Variants in PEAK1 observed in about 807,000 individuals in gnomAD.
PEAK1 encodes pseudopodium enriched atypical kinase 1.
A neutral mutation model predicts 124.7 loss-of-function variants in PEAK1; 54 were observed. The observed-to-expected ratio is 0.43, with a 90% CI of 0.35 to 0.54. The LOEUF is 0.54. Among genes scored for constraint, PEAK1 ranks in the 20% least tolerant of loss-of-function variants. The pLI, the probability that PEAK1 is intolerant of heterozygous loss-of-function variation, is 0.01. For synonymous variants in PEAK1, 719 were observed against 760.0 expected (o/e 0.95, Z 0.89); for missense variants, 2,046 against 2,134.5 (o/e 0.96, Z 0.82).
chr15:77,231,654 G>GA (rs1377766347), intron 6 of PEAK1, among the ~76,000 whole-genome samples: 1 of 151,990 alleles, frequency 6.6e-6, no homozygotes, highest in Non-Finnish European at 1.5e-5. Flanking sequence ...CTTCAAATTT[G>GA]AAAAATAAAT....
At chr15:77,178,529 T>A in intron 7 of PEAK1, 1 of 469,054 alleles carries the variant, frequency 2.1e-6, no homozygotes, top group East Asian at 3.1e-5. Context: ...GATTTGCTTT[T>A]CTATGCTAAA....
intron 6 of PEAK1, among the ~76,000 whole-genome samples, chr15:77,207,330 G>T (rs1236121767): frequency 2.6e-5 from 4 of 152,132 alleles, no homozygotes. Context: ...TGTACAAATT[G>T]AGATATCTGT....
intron 1 of PEAK1, among the ~76,000 whole-genome samples, chr15:77,386,736 T>C (rs959525817): frequency 6.6e-6 from 1 of 152,188 alleles, no homozygotes; most frequent in East Asian, 1.9e-4. Flanking sequence ...TTTCCCCATG[T>C]CCCACAGTTG....
At chr15:77,130,594 T>C (rs887694524) in intron 9 of PEAK1, among the ~76,000 whole-genome samples, 7 of 152,216 alleles carry the variant, frequency 4.6e-5, no homozygotes, top group African/African-American at 1.2e-4. Context: ...TTTGCTAAGA[T>C]ACCATCTGGT....
At chr15:77,212,585 ACAGAATTTGATAAAGTTTT>A (rs1447653531) in intron 6 of PEAK1, among the ~76,000 whole-genome samples, 3 of 152,228 alleles carry the variant, frequency 2.0e-5, no homozygotes, top group Non-Finnish European at 4.4e-5. Flanking sequence ...GAGACTCATA[ACAGAATTTGATAAAGTTTT>A]ATTCAATCAA....
rs145439140 is a variant in PEAK1 at position 77,350,070 on chromosome 15, T to C, written c.-603+15093A>G. 5.1e-6 allele frequency: 5 copies of C among 985,418 alleles called. No individual in the cohort carries two copies. In the African/African-American group the frequency reaches 5.2e-5, roughly 10 times the overall value. The allele number at this position is 985,418 out of a possible 1,614,324, so 61.0% of individuals were successfully genotyped here. On this transcript the variant is annotated intron_variant, in intron 2 of 9. Transcript: ENST00000682557. ...CTCAGCCACCATGATAGTTTTCAGATCATTTGTGCAAACATAATAAGAGCA... is the reference window on the plus strand; with the variant it reads ...CTCAGCCACCATGATAGTTTTCAGACCATTTGTGCAAACATAATAAGAGCA...
intron 2 of PEAK1, among the ~76,000 whole-genome samples, chr15:77,332,858 T>A (rs930654196): frequency 9.9e-5 from 15 of 152,062 alleles, no homozygotes; most frequent in African/African-American, 3.6e-4. Context: ...TCATTTTTTT[T>A]AATGGTACCT....
chr15:77,247,494 T>C (rs112989892), intron 6 of PEAK1, among the ~76,000 whole-genome samples: 1 of 134,080 alleles, frequency 7.5e-6, no homozygotes, highest in South Asian at 2.5e-4. Context: ...TCTTTTTTTT[T>C]TTTTTTTTTT....
At chr15:77,259,499 A>G (rs1193524084) in intron 5 of PEAK1, among the ~76,000 whole-genome samples, 2 of 152,332 alleles carry the variant, frequency 1.3e-5, no homozygotes, top group East Asian at 3.9e-4. Flanking sequence ...CAGTTCATTT[A>G]TAACAATACT....
At chr15:77,345,805 T>C (rs1400574331) in intron 2 of PEAK1, 2 of 633,336 alleles carry the variant, frequency 3.2e-6, no homozygotes, top group Non-Finnish European at 3.9e-6. Flanking sequence ...ATTACCCTGA[T>C]TTGATCTTTA....
intron 2 of PEAK1, chr15:77,333,387 T>C: frequency 1.0e-6 from 1 of 983,442 alleles, no homozygotes; most frequent in East Asian, 1.1e-4. Context: ...GGTGGTTTTG[T>C]GGTTTCTAAC....
chr15:77,304,223 C>T (rs1257453562), intron 2 of PEAK1, among the ~76,000 whole-genome samples: 1 of 152,084 alleles, frequency 6.6e-6, no homozygotes, highest in Non-Finnish European at 1.5e-5. Context: ...AAATAGCTTG[C>T]TGGGATTTTG....
chr15:77,342,173 A>C (rs1016822659), intron 2 of PEAK1, among the ~76,000 whole-genome samples: 5 of 144,730 alleles, frequency 3.5e-5, no homozygotes, highest in South Asian at 2.1e-4. Flanking sequence ...AAAAAAAAAA[A>C]CACACACACA....
intron 6 of PEAK1, among the ~76,000 whole-genome samples, chr15:77,249,071 C>T (rs2060724188): frequency 6.6e-6 from 1 of 152,160 alleles, no homozygotes; most frequent in Non-Finnish European, 1.5e-5. Flanking sequence ...GATCCTCCTG[C>T]CTCGGCCTCC....
At chr15:77,129,565 A>G (rs948085070) in intron 9 of PEAK1, among the ~76,000 whole-genome samples, 1 of 151,014 alleles carries the variant, frequency 6.6e-6, no homozygotes, top group African/African-American at 2.4e-5. Context: ...CCTCCCGAGT[A>G]ACTGGGATTA....
intron 6 of PEAK1, among the ~76,000 whole-genome samples, chr15:77,236,868 A>G (rs2060148792): frequency 6.6e-6 from 1 of 152,106 alleles, no homozygotes; most frequent in Admixed American, 6.6e-5. Context: ...TGATGGTTTT[A>G]TAAGGGGGTC....
chr15:77,403,373 T>C (rs974572378), intron 1 of PEAK1: 3 of 922,230 alleles, frequency 3.3e-6, no homozygotes, highest in Admixed American at 1.2e-4. Context: ...ACAGCCAAGA[T>C]ATAATGAATA....
intron 2 of PEAK1, among the ~76,000 whole-genome samples, chr15:77,323,727 C>T (rs1450923718): frequency 6.6e-6 from 1 of 152,106 alleles, no homozygotes; most frequent in Non-Finnish European, 1.5e-5. Context: ...TTTATAGATT[C>T]AATGCCATCC....
chr15:77,402,058 G>T, intron 1 of PEAK1: 1 of 757,318 alleles, frequency 1.3e-6, no homozygotes, highest in Non-Finnish European at 1.6e-6. Flanking sequence ...GATTAACTGG[G>T]CGTAGAGGCA....
Sources: allele counts gnomAD v4.1 joint callset (sites outside exome capture counted in the v4.1 genomes callset), GRCh38; gene constraint gnomAD v4.1.1; transcripts MANE v1.5; gene names NCBI Gene and HGNC (gene_info 2026-07-23, HGNC 2026-07-21).